LAMA1: variants seen among roughly 807,000 people sequenced by gnomAD.
LAMA1 encodes the protein laminin subunit alpha 1.
A neutral mutation model predicts 348.7 loss-of-function variants in LAMA1; 219 were observed. That is an observed-to-expected ratio of 0.63 (90% CI 0.56 to 0.70). The LOEUF (loss-of-function observed/expected upper bound fraction) is 0.70, where lower values mean the gene tolerates loss of function less well. Among genes scored for constraint, LAMA1 ranks in the 30% least tolerant of loss-of-function variants. LAMA1 has a pLI of 0.00. For missense variants in LAMA1, 3,744 were observed against 3,888.0 expected (o/e 0.96, Z 0.99); for synonymous variants, 1,487 against 1,491.0 (o/e 1.00, Z 0.06).
Position 7,038,963 on chromosome 18 carries a change from G to T in LAMA1, c.1423-13C>A, listed in dbSNP as rs746923006. On this transcript the variant is annotated splice_polypyrimidine_tract_variant and intron_variant, in intron 10 of 62. Coordinates refer to ENST00000389658, the MANE Select transcript of LAMA1 (RefSeq NM_005559.4). ...CCTCAACGTTTTCCTGTAAGTTAGG[G>T]TAAAAGATTAGCTTTTGAAACCAAT... 6.8e-6 allele frequency: 11 copies of T among 1,609,292 alleles called. No individual in the cohort carries two copies. The highest frequency in any genetic ancestry group is 1.6e-4 in the Middle Eastern group (1 of 6,070).
intron 58 of LAMA1, among the ~76,000 whole-genome samples, chr18:6,949,715 T>C (rs1168298555): frequency 6.6e-6 from 1 of 152,188 alleles, no homozygotes; most frequent in Non-Finnish European, 1.5e-5. Flanking sequence ...ATGGGAGGAA[T>C]TTAGTTGACA....
intron 6 of LAMA1, among the ~76,000 whole-genome samples, chr18:7,045,808 C>T (rs1285621885): frequency 6.6e-6 from 1 of 152,138 alleles, no homozygotes; most frequent in African/African-American, 2.4e-5. Context: ...ATCCACCCGC[C>T]TCTGCCTCCC....
intron 28 of LAMA1, among the ~76,000 whole-genome samples, chr18:7,008,163 G>A (rs760659760): frequency 3.9e-5 from 6 of 151,958 alleles, no homozygotes; most frequent in Non-Finnish European, 1.5e-5. Context: ...GTGGTTTTGG[G>A]GCACTGGGGA....
intron 1 of LAMA1, among the ~76,000 whole-genome samples, chr18:7,101,113 G>C (rs1204088262): frequency 6.6e-6 from 1 of 152,124 alleles, no homozygotes; most frequent in East Asian, 1.9e-4. Flanking sequence ...GAAGATTTCT[G>C]GGCACAAATG....
chr18:6,999,355 T>C (rs1270768739), intron 32 of LAMA1, 90 bp downstream of exon 32: 45 of 1,262,480 alleles, frequency 3.6e-5, no homozygotes, highest in Non-Finnish European at 4.5e-5. Context: ...GTTTTTATTC[T>C]GCAGACACTT....
intron 19 of LAMA1, among the ~76,000 whole-genome samples, chr18:7,020,748 T>C (rs2057911731): frequency 6.6e-6 from 1 of 152,186 alleles, no homozygotes; most frequent in African/African-American, 2.4e-5. Context: ...TTTATCTCCA[T>C]GGCAAAGGCC....
chr18:6,945,907 C>G (rs529968471), intron 61 of LAMA1, among the ~76,000 whole-genome samples: 2 of 152,170 alleles, frequency 1.3e-5, no homozygotes, highest in South Asian at 4.2e-4. Flanking sequence ...AGGAAAAGGG[C>G]CATCGAGACT....
rs566077537 is a variant in LAMA1 at position 7,046,264 on chromosome 18, A to G, written c.858+14T>C. On this transcript the variant is annotated intron_variant, in intron 6 of 62. Coordinates refer to ENST00000389658, the MANE Select transcript of LAMA1 (RefSeq NM_005559.4). ...TTTTGAAGTTTTAGTAAAATGTGAA[A>G]TACTAGAACTCACCTTTGTAGTTTC... The G allele has an allele frequency of 5.1e-6, 8 of 1,554,300 alleles. No homozygotes were observed. In the East Asian group the frequency reaches 1.8e-4, roughly 35 times the overall value.
intron 36 of LAMA1, among the ~76,000 whole-genome samples, chr18:6,988,814 A>AT (rs2057746668): frequency 6.6e-6 from 1 of 151,586 alleles, no homozygotes; most frequent in African/African-American, 2.4e-5. Context: ...TCAATAAAAA[A>AT]AAAAAAAAAA....
chr18:6,973,001 A>G (rs1195551297), intron 47 of LAMA1, 56 bp downstream of exon 47: 2 of 1,601,364 alleles, frequency 1.2e-6, no homozygotes, highest in East Asian at 2.2e-5. Flanking sequence ...CATGACTTTT[A>G]TATATAGGTA....
In LAMA1 at chr18:7,046,369, TAAGGA is replaced by T. The variant is rs767559623; in HGVS notation, c.769-7_769-3del. On this transcript the variant is annotated splice_region_variant and splice_polypyrimidine_tract_variant and intron_variant, in intron 5 of 62. Transcript: ENST00000389658. Reference sequence around the variant, plus strand: ...AATGTCCTTTATTGAATAATAATACTAAGGAAAAAGAAAGTTATGAACAAAAATTA... The same window carrying T: ...AATGTCCTTTATTGAATAATAATACTAAAAGAAAGTTATGAACAAAAATTA... 20 of 1,569,536 alleles carry T rather than the reference TAAGGA, an allele frequency of 1.3e-5. No individual in the cohort carries two copies. The South Asian group carries it at 2.2e-4, about 17-fold the overall frequency.
At chr18:7,036,662 A>ATTTT (rs1195817264) in intron 12 of LAMA1, among the ~76,000 whole-genome samples, 2 of 152,234 alleles carry the variant, frequency 1.3e-5, no homozygotes, top group African/African-American at 4.8e-5. Context: ...AAAATCATTG[A>ATTTT]ACTCTGTTGA....
chr18:7,107,121 CT>C (rs34984235), intron 1 of LAMA1, among the ~76,000 whole-genome samples: 56 of 137,084 alleles, frequency 4.1e-4, no homozygotes, highest in South Asian at 7.0e-4. Flanking sequence ...GAGAAAACTC[CT>C]TTTTTTTTTT....
rs1324800300 is a variant in LAMA1, at chr18:6,983,144, C to T, written c.5751G>A (p.Glu1917=). The change falls in exon 40 of 63, where the codon GAG becomes GAA. Residue 1917 remains glutamate (E), a synonymous_variant. Coordinates refer to ENST00000389658, the MANE Select transcript of LAMA1 (RefSeq NM_005559.4). The part of the protein sequence containing the change: ...YNIQSLIEES[E]ELARDAHRTV... ...TCCTGTGAGCATCTCTGGCCAGTTC[C>T]TCCGATTCTTCAATCAGGCTCTGGA... 6.2e-7 allele frequency: 1 copy of T among 1,614,038 alleles called. No homozygotes were observed. Among genetic ancestry groups the T allele is most frequent in the Non-Finnish European group, 8.5e-7 (1 of 1,180,028 alleles).
chr18:7,060,327 G>A (rs1054120644), intron 3 of LAMA1, among the ~76,000 whole-genome samples: 6 of 152,130 alleles, frequency 3.9e-5, no homozygotes, highest in South Asian at 2.1e-4. Flanking sequence ...AGAATAAAAC[G>A]TGATTTGTTT....
intron 1 of LAMA1, among the ~76,000 whole-genome samples, chr18:7,112,475 C>T (rs987993066): frequency 6.6e-6 from 1 of 151,960 alleles, no homozygotes; most frequent in African/African-American, 2.4e-5. Flanking sequence ...TCTTTAGACG[C>T]TTATCCAAAA....
intron 1 of LAMA1, among the ~76,000 whole-genome samples, chr18:7,110,094 T>C (rs982343570): frequency 6.6e-6 from 1 of 151,562 alleles, no homozygotes; most frequent in Non-Finnish European, 1.5e-5. Context: ...GGCAGAAGAA[T>C]CGCTTGAACC....
At chr18:7,037,971 A>T (rs2058002994) in intron 11 of LAMA1, among the ~76,000 whole-genome samples, 1 of 152,154 alleles carries the variant, frequency 6.6e-6, no homozygotes, top group South Asian at 2.1e-4. Context: ...CTCCAAATCC[A>T]GATCCAGTAT....
At chr18:6,954,173 C>G (rs1034159589) in intron 57 of LAMA1, 3 of 152,252 alleles carry the variant, frequency 2.0e-5, no homozygotes, top group African/African-American at 7.2e-5. Flanking sequence ...TTTGGAGGCT[C>G]CATCTGAGAT....
Sources: allele counts gnomAD v4.1 joint callset (sites outside exome capture counted in the v4.1 genomes callset), GRCh38; gene constraint gnomAD v4.1.1; transcripts MANE v1.5; gene names NCBI Gene and HGNC (gene_info 2026-07-23, HGNC 2026-07-21).